Variants in FOXP2 observed in about 807,000 individuals in gnomAD.
FOXP2 encodes forkhead box protein P2.
In FOXP2, 12 loss-of-function variants were observed where a neutral mutation model predicts 115.8. That is an observed-to-expected ratio of 0.10 (90% confidence interval 0.07 to 0.17). The LOEUF is 0.17. Among genes scored for constraint, FOXP2 ranks in the 10% least tolerant of loss-of-function variants. FOXP2 has a pLI of 1.00. For synonymous variants in FOXP2, 328 were observed against 297.7 expected, an observed-to-expected ratio of 1.10 and a Z score of -1.05; for missense variants, 629 against 843.5, an observed-to-expected ratio of 0.75 and a Z score of 3.15.
At chr7:114,526,489 A>AC (rs1554410665) in intron 2 of FOXP2, among the ~76,000 whole-genome samples, 6 of 127,972 alleles carry the variant, frequency 4.7e-5, no homozygotes, top group African/African-American at 2.3e-4. Flanking sequence ...AAAAAAAAAC[A>AC]AAAAAAAAAA....
At chr7:114,686,538 A>C (rs190066464) in intron 16 of FOXP2, among the ~76,000 whole-genome samples, 99 of 152,280 alleles carry the variant, frequency 6.5e-4, no homozygotes, top group Non-Finnish European at 1.3e-3. Flanking sequence ...TATCAAAGTA[A>C]ATGTTCTTGT....
At position 114,299,491 on chromosome 7, in the gene FOXP2, A is replaced by AT. The variant is rs888164418; in HGVS notation, c.-11+11389dup. Reference sequence around the variant, plus strand: ...TCTTTTGCCAGTATGGCTTATTTATATTTTTTTATTAATTTAATTTATATT... The same window carrying AT: ...TCTTTTGCCAGTATGGCTTATTTATATTTTTTTTATTAATTTAATTTATATT... On this transcript the variant is annotated intron_variant, in intron 2 of 17. Transcript: ENST00000634411. Among the ~76,000 whole-genome samples, 7 of 151,562 alleles carry AT rather than the reference A, an allele frequency of 4.6e-5. 1 individual carries two copies. Among genetic ancestry groups the AT allele is most frequent in the East Asian group, 3.9e-4 (2 of 5,192 alleles).
chr7:114,254,730 G>T (rs1795557423), intron 1 of FOXP2, among the ~76,000 whole-genome samples: 1 of 152,102 alleles, frequency 6.6e-6, no homozygotes, highest in Admixed American at 6.5e-5. Context: ...TCTTTGTGAT[G>T]CATTCGAATT....
At chr7:114,611,690 C>T (rs79013191) in intron 3 of FOXP2, among the ~76,000 whole-genome samples, 3 of 152,044 alleles carry the variant, frequency 2.0e-5, no homozygotes, top group African/African-American at 4.8e-5. Context: ...ACTGGCATTT[C>T]GCTATAATCG....
chr7:114,307,882 G>A (rs941338978), intron 2 of FOXP2, among the ~76,000 whole-genome samples: 6 of 152,128 alleles, frequency 3.9e-5, no homozygotes, highest in African/African-American at 1.4e-4. Context: ...TGTAGCCTGT[G>A]GATGGGGATG....
intron 4 of FOXP2, 22 bp downstream of exon 4, chr7:114,628,699 G>A (rs774274830): frequency 1.9e-6 from 3 of 1,613,758 alleles, no homozygotes; most frequent in Admixed American, 3.3e-5. Context: ...TACCTGCTTT[G>A]GTGTTCTAGC....
At chr7:114,334,109 T>C (rs932513077) in intron 2 of FOXP2, among the ~76,000 whole-genome samples, 1 of 152,170 alleles carries the variant, frequency 6.6e-6, no homozygotes, top group Non-Finnish European at 1.5e-5. Context: ...TTTAAGATGC[T>C]TCTTTAGTTT....
chr7:114,104,936 T>A (rs1317137864), intron 1 of FOXP2, among the ~76,000 whole-genome samples: 1 of 152,062 alleles, frequency 6.6e-6, no homozygotes, highest in South Asian at 2.1e-4. Flanking sequence ...AATTTTGCGA[T>A]TCATAGTAAT....
At chr7:114,284,852 A>G (rs1796426913) in intron 1 of FOXP2, among the ~76,000 whole-genome samples, 1 of 152,202 alleles carries the variant, frequency 6.6e-6, no homozygotes. Context: ...CAGTCATAAA[A>G]AGAAATGAGG....
intron 12 of FOXP2, 55 bp from the exon 13 acceptor site, chr7:114,659,517 T>C: frequency 6.4e-7 from 1 of 1,570,784 alleles, no homozygotes; most frequent in East Asian, 2.2e-5. Context: ...AAGTGTCATC[T>C]AGTCTAGTTA....
intron 3 of FOXP2, among the ~76,000 whole-genome samples, chr7:114,614,594 G>A (rs1000174803): frequency 8.6e-5 from 13 of 151,914 alleles, no homozygotes; most frequent in Non-Finnish European, 1.2e-4. Flanking sequence ...ATTATTCCAC[G>A]TGTGTTCTCT....
At chr7:114,384,125 A>C (rs888220646) in intron 2 of FOXP2, among the ~76,000 whole-genome samples, 1 of 151,758 alleles carries the variant, frequency 6.6e-6, no homozygotes, top group Non-Finnish European at 1.5e-5. Context: ...ACGCTCGCCG[A>C]TGTAGCAGTC....
chr7:114,275,053 G>A (rs1324196836), intron 1 of FOXP2, among the ~76,000 whole-genome samples: 1 of 151,832 alleles, frequency 6.6e-6, no homozygotes. Flanking sequence ...TATAAGTAAG[G>A]TGTTCTTTTC....
At chr7:114,465,791 C>G (rs1432330009) in intron 2 of FOXP2, among the ~76,000 whole-genome samples, 1 of 152,158 alleles carries the variant, frequency 6.6e-6, no homozygotes, top group East Asian at 1.9e-4. Context: ...AGGCCATGTT[C>G]TAACTTCATT....
At chr7:114,510,391 A>G (rs1175487528) in intron 2 of FOXP2, among the ~76,000 whole-genome samples, 2 of 152,186 alleles carry the variant, frequency 1.3e-5, no homozygotes, top group Non-Finnish European at 2.9e-5. Flanking sequence ...GCATGGTAGA[A>G]CAAAGCAGAG....
At chr7:114,563,228 C>G (rs558901843) in intron 3 of FOXP2, among the ~76,000 whole-genome samples, 22 of 152,302 alleles carry the variant, frequency 1.4e-4, no homozygotes, top group Middle Eastern at 6.8e-3. Flanking sequence ...GGGACATAGC[C>G]AAACCACATC....
intron 2 of FOXP2, among the ~76,000 whole-genome samples, chr7:114,501,707 T>C (rs932457435): frequency 6.6e-6 from 1 of 152,152 alleles, no homozygotes; most frequent in Non-Finnish European, 1.5e-5. Context: ...AAATATACTT[T>C]ATCTTAACTA....
chr7:114,131,989 T>C (rs1384582063), intron 1 of FOXP2, among the ~76,000 whole-genome samples: 1 of 152,202 alleles, frequency 6.6e-6, no homozygotes, highest in African/African-American at 2.4e-5. Context: ...GCCAGTTTTC[T>C]TGGTTAGTGT....
intron 1 of FOXP2, among the ~76,000 whole-genome samples, chr7:114,219,488 T>C (rs1374062932): frequency 5.3e-5 from 8 of 152,202 alleles, no homozygotes; most frequent in Admixed American, 4.6e-4. Context: ...GTAACAGCTA[T>C]ATTTGTTTTA....
Sources: allele counts gnomAD v4.1 joint callset (sites outside exome capture counted in the v4.1 genomes callset), GRCh38; gene constraint gnomAD v4.1.1; transcripts MANE v1.5; gene names NCBI Gene and HGNC (gene_info 2026-07-23, HGNC 2026-07-21).